Variants in TRMT11 observed in about 807,000 individuals in gnomAD.
The protein encoded by TRMT11 is tRNA (guanine(10)-N(2))-methyltransferase TRMT11.
In TRMT11, 53 loss-of-function variants were observed where a neutral mutation model predicts 62.8. The observed-to-expected ratio is 0.84, with a 90% CI of 0.68 to 1.06. TRMT11 has a LOEUF of 1.06. TRMT11 is among the 50% of genes least tolerant of loss of function. The pLI is 0.00. For missense variants in TRMT11, 556 were observed against 553.4 expected, an observed-to-expected ratio of 1.00 and a Z score of -0.05; for synonymous variants, 188 against 190.3, an observed-to-expected ratio of 0.99 and a Z score of 0.10.
the TRMT11 span, among the ~76,000 whole-genome samples, chr6:126,238,697 G>T: frequency 3.3e-5 from 5 of 152,166 alleles, no homozygotes; most frequent in Non-Finnish European, 7.3e-5. Flanking sequence ...GCTGATTTGG[G>T]GTGGAGAGTT....
At chr6:126,140,281 A>G (rs192558786) in intron 21 of TRMT11, among the ~76,000 whole-genome samples, 65 of 152,148 alleles carry the variant, frequency 4.3e-4, no homozygotes, top group African/African-American at 1.4e-3. Context: ...ATTTGCTAAT[A>G]TGTAATTCAA....
At chr6:126,108,870 A>T (rs903209100) in intron 17 of TRMT11, among the ~76,000 whole-genome samples, 1 of 152,044 alleles carries the variant, frequency 6.6e-6, no homozygotes, top group Non-Finnish European at 1.5e-5. Flanking sequence ...GGGTCATTTG[A>T]CCCTTCTGAT....
chr6:126,012,821 A>T lies in TRMT11; in HGVS notation c.976A>T (p.Ile326Leu). 10 of 1,613,852 alleles carry T rather than the reference A, an allele frequency of 6.2e-6. No individual in the cohort carries two copies. The highest frequency in any genetic ancestry group is 8.5e-6 in the Non-Finnish European group (10 of 1,179,752). Residue 326 changes from isoleucine (I) to leucine (L), a missense_variant, in exon 10 of 13, where the codon ATA (isoleucine) becomes TTA (leucine). Physicochemically the swap from Ile to Leu is conservative, Grantham distance 5. Coordinates refer to ENST00000334379, the MANE Select transcript of TRMT11 (RefSeq NM_001031712.3). The part of the protein sequence containing the change: ...STRRTGSQKE[I>L]PKGIEKWEKC... ...AAGAAGAACAGGTTCACAGAAGGAG[A>T]TACCAAAGGGGATAGAAAAATGGGA...
At chr6:126,069,860 T>G (rs562166918) in intron 17 of TRMT11, among the ~76,000 whole-genome samples, 1 of 151,700 alleles carries the variant, frequency 6.6e-6, no homozygotes, top group African/African-American at 2.4e-5. Flanking sequence ...TGAAGGTTTT[T>G]TTTTTTTTTT....
At chr6:126,192,797 T>C (rs1778618396) in intron 1 of TRMT11, among the ~76,000 whole-genome samples, 1 of 152,226 alleles carries the variant, frequency 6.6e-6, no homozygotes, top group Admixed American at 6.5e-5. Context: ...AAATCCCACT[T>C]GATCATGGTA....
At chr6:126,050,933 T>G (rs982862179) in intron 16 of TRMT11, among the ~76,000 whole-genome samples, 2 of 152,144 alleles carry the variant, frequency 1.3e-5, no homozygotes, top group African/African-American at 4.8e-5. Context: ...GGAAGAAGCT[T>G]GGAACCTTCA....
chr6:125,998,735 T>A (rs6569449), intron 6 of TRMT11, 51 bp downstream of exon 6: 1,065,939 of 1,588,968 alleles, frequency 0.67, 362,059 homozygotes, highest in East Asian at 0.95. Flanking sequence ...TGAAAGCTAC[T>A]TATTAGGCCT....
intron 1 of TRMT11, among the ~76,000 whole-genome samples, chr6:126,198,560 C>T (rs1215198572): frequency 6.6e-6 from 1 of 152,086 alleles, no homozygotes; most frequent in African/African-American, 2.4e-5. Context: ...TCTGTCTTTC[C>T]ATGAGCTAAG....
chr6:126,162,960 T>G (rs1778212837), intron 21 of TRMT11, among the ~76,000 whole-genome samples: 1 of 152,220 alleles, frequency 6.6e-6, no homozygotes, highest in Non-Finnish European at 1.5e-5. Flanking sequence ...GATTTTGGGC[T>G]GAGATGATGG....
chr6:126,182,060 A>G (rs1778472580), intron 1 of TRMT11, among the ~76,000 whole-genome samples: 1 of 150,656 alleles, frequency 6.6e-6, no homozygotes, highest in Admixed American at 6.6e-5. Flanking sequence ...ACAGGAGATA[A>G]CAACCTCGTA....
downstream of TRMT11, among the ~76,000 whole-genome samples, chr6:126,207,450 C>G (rs1231604062): frequency 6.6e-6 from 1 of 152,186 alleles, no homozygotes; most frequent in African/African-American, 2.4e-5. Context: ...TAGTTTCACA[C>G]CACAAAGATC....
chr6:126,121,795 G>T (rs1285767350), intron 21 of TRMT11, among the ~76,000 whole-genome samples: 2 of 151,974 alleles, frequency 1.3e-5, no homozygotes, highest in Non-Finnish European at 2.9e-5. Context: ...ACTTTGCAGG[G>T]TAGTTAATTT....
chr6:125,990,917 A>G (rs1178311434), intron 1 of TRMT11, among the ~76,000 whole-genome samples: 2 of 152,126 alleles, frequency 1.3e-5, no homozygotes, highest in Non-Finnish European at 2.9e-5. Flanking sequence ...GTATTTTTAC[A>G]TAGATCAGGG....
intron 21 of TRMT11, among the ~76,000 whole-genome samples, chr6:126,172,082 A>G (rs1391425285): frequency 1.3e-5 from 2 of 152,196 alleles, no homozygotes; most frequent in African/African-American, 4.8e-5. Context: ...AAACACAAAC[A>G]TGATTACATT....
the TRMT11 span, among the ~76,000 whole-genome samples, chr6:126,224,582 T>A: frequency 6.6e-6 from 1 of 152,140 alleles, no homozygotes; most frequent in Non-Finnish European, 1.5e-5. Context: ...CCAGCAAAAG[T>A]GCTTCATCAG....
intron 21 of TRMT11, among the ~76,000 whole-genome samples, chr6:126,126,802 T>C (rs887927762): frequency 6.6e-6 from 1 of 152,102 alleles, no homozygotes; most frequent in Non-Finnish European, 1.5e-5. Flanking sequence ...AGGGTTCAAA[T>C]ATCTTGTTAA....
chr6:126,089,763 T>C (rs1199512287), intron 17 of TRMT11, among the ~76,000 whole-genome samples: 4 of 152,250 alleles, frequency 2.6e-5, no homozygotes, highest in Admixed American at 2.6e-4. Flanking sequence ...TCTACTGTAA[T>C]TGTGTTTGTA....
chr6:126,173,165 TC>T (rs35431148), upstream of TRMT11, among the ~76,000 whole-genome samples: 2,974 of 152,272 alleles, frequency 0.02, 41 homozygotes, highest in South Asian at 0.051. Flanking sequence ...AACATTCTAT[TC>T]TAGTAAAAAA....
intron 21 of TRMT11, among the ~76,000 whole-genome samples, chr6:126,130,495 G>T (rs554204512): frequency 7.0e-4 from 106 of 152,156 alleles, no homozygotes; most frequent in Non-Finnish European, 1.0e-3. Flanking sequence ...ATGTTCTTCT[G>T]CCTGTAGGGT....
Sources: allele counts gnomAD v4.1 joint callset (sites outside exome capture counted in the v4.1 genomes callset), GRCh38; gene constraint gnomAD v4.1.1; transcripts MANE v1.5; gene names NCBI Gene and HGNC (gene_info 2026-07-23, HGNC 2026-07-21).